The following C8orf34 variants were observed in gnomAD, a reference collection of about 807,000 sequenced individuals.
C8orf34 encodes the protein uncharacterized protein C8orf34.
A neutral mutation model predicts 68.3 loss-of-function variants in C8orf34; 65 were observed. That is an observed-to-expected ratio of 0.95 (90% CI 0.78 to 1.17). The LOEUF (loss-of-function observed/expected upper bound fraction) is 1.17, where lower values mean the gene tolerates loss of function less well. Ranked by LOEUF, C8orf34 falls within the 50% of genes most tolerant of loss-of-function variation. C8orf34 has a pLI of 0.00. For missense variants in C8orf34, 664 were observed against 655.4 expected (o/e 1.01, Z -0.14); for synonymous variants, 244 against 241.2 (o/e 1.01, Z -0.11).
intron 10 of C8orf34, among the ~76,000 whole-genome samples, chr8:68,764,969 G>A (rs936905368): frequency 1.3e-5 from 2 of 152,106 alleles, no homozygotes; most frequent in Non-Finnish European, 2.9e-5. Flanking sequence ...AGAGATAAAC[G>A]AAGAAGTAGC....
At chr8:68,378,757 G>A (rs1190633342) in intron 1 of C8orf34, among the ~76,000 whole-genome samples, 1 of 152,166 alleles carries the variant, frequency 6.6e-6, no homozygotes, top group Non-Finnish European at 1.5e-5. Context: ...AGTTAGAATT[G>A]AGTTTCCTGT....
At chr8:68,491,570 A>C (rs1471549788) in intron 5 of C8orf34, among the ~76,000 whole-genome samples, 1 of 152,102 alleles carries the variant, frequency 6.6e-6, no homozygotes. Context: ...TCTGTCTCTA[A>C]CTTCAGCCAG....
At chr8:68,692,865 C>G (rs2130912002) in intron 8 of C8orf34, among the ~76,000 whole-genome samples, 1 of 152,064 alleles carries the variant, frequency 6.6e-6, no homozygotes, top group Admixed American at 6.6e-5. Context: ...ATTCTGGTCC[C>G]CTACAGTGGG....
At chr8:68,449,488 A>G (rs1173188139) in intron 3 of C8orf34, among the ~76,000 whole-genome samples, 1 of 152,044 alleles carries the variant, frequency 6.6e-6, no homozygotes, top group East Asian at 1.9e-4. Context: ...CTATGAATGT[A>G]TCTATTCTGG....
At chr8:68,795,167 C>CT (rs1824141481) in intron 12 of C8orf34, among the ~76,000 whole-genome samples, 1 of 152,022 alleles carries the variant, frequency 6.6e-6, no homozygotes, top group South Asian at 2.1e-4. Flanking sequence ...TATCTCTTTA[C>CT]TGCTGGTCTC....
chr8:68,518,862 C>A lies in C8orf34; in HGVS notation c.766-2937C>A, dbSNP rs533476721. Among the ~76,000 whole-genome samples the A allele has an allele frequency of 2.1e-5, 3 of 142,672 alleles. No individual in the cohort carries two copies. In the South Asian group the frequency reaches 6.6e-4, roughly 31 times the overall value. 93.6% of individuals were successfully genotyped at this position (142,672 alleles called of 152,430 possible). A position where few individuals can be genotyped will look rare whatever the true frequency, so the allele number is the denominator to read the frequency against. On this transcript the variant is annotated intron_variant, in intron 5 of 13. Coordinates refer to ENST00000518698, the MANE Select transcript of C8orf34 (RefSeq NM_052958.4). Reference sequence around the variant, plus strand: ...TGAGCCAAGATCGTGCCACTACACTCCAGCCTGGCGACAGAGCAAGACTCA... The same window carrying A: ...TGAGCCAAGATCGTGCCACTACACTACAGCCTGGCGACAGAGCAAGACTCA...
chr8:68,668,515 G>C (rs1409393446), intron 8 of C8orf34, among the ~76,000 whole-genome samples: 1 of 152,136 alleles, frequency 6.6e-6, no homozygotes, highest in Non-Finnish European at 1.5e-5. Flanking sequence ...CAAATGTGAG[G>C]CTCTGTTGTT....
At chr8:68,499,135 G>A (rs1001602143) in intron 5 of C8orf34, among the ~76,000 whole-genome samples, 4 of 152,138 alleles carry the variant, frequency 2.6e-5, no homozygotes, top group Non-Finnish European at 4.4e-5. Flanking sequence ...ATGGCCATGT[G>A]TGACTAATGC....
intron 1 of C8orf34, among the ~76,000 whole-genome samples, chr8:68,348,591 A>G (rs1806379708): frequency 4.6e-5 from 7 of 152,246 alleles, no homozygotes; most frequent in Admixed American, 2.0e-4. Context: ...CTTCCTATCC[A>G]TGAGCATGGG....
chr8:68,435,040 A>G lies in C8orf34; in HGVS notation c.328-4459A>G, dbSNP rs183386478. Among the ~76,000 whole-genome samples, 840 of 147,942 alleles carry G rather than the reference A, an allele frequency of 5.7e-3. 7 individuals carry two copies. The highest frequency in any genetic ancestry group is 0.02 in the African/African-American group (813 of 40,116). On this transcript the variant is annotated intron_variant, in intron 1 of 13. Transcript: ENST00000518698. ...ACTCCAGCCTGGGTGACAGAGCGAG[A>G]CTCCATCTCAAAAAAAAAAAAAAGA...
At chr8:68,577,448 T>A (rs1816938556) in intron 7 of C8orf34, among the ~76,000 whole-genome samples, 1 of 151,936 alleles carries the variant, frequency 6.6e-6, no homozygotes, top group Admixed American at 6.6e-5. Context: ...CATTTTTTAA[T>A]TGCCTTACGT....
At chr8:68,575,747 G>T (rs1816882456) in intron 7 of C8orf34, among the ~76,000 whole-genome samples, 2 of 151,932 alleles carry the variant, frequency 1.3e-5, no homozygotes, top group Admixed American at 1.3e-4. Flanking sequence ...GATCTAAGGG[G>T]CTTACCTGCA....
At chr8:68,579,942 T>C (rs1185264173) in intron 7 of C8orf34, among the ~76,000 whole-genome samples, 1 of 152,178 alleles carries the variant, frequency 6.6e-6, no homozygotes, top group Non-Finnish European at 1.5e-5. Context: ...ATTAAATCTA[T>C]TCATTATACC....
chr8:68,509,519 T>C (rs1010207794), intron 5 of C8orf34, among the ~76,000 whole-genome samples: 6 of 138,182 alleles, frequency 4.3e-5, no homozygotes, highest in Admixed American at 2.3e-4. Context: ...GAAATTAACT[T>C]CTCCCAGTTT....
chr8:68,395,356 G>C (rs1418743794), intron 1 of C8orf34, among the ~76,000 whole-genome samples: 9 of 54,218 alleles, frequency 1.7e-4, no homozygotes, highest in Admixed American at 3.2e-4. Context: ...CTCTCTGTGT[G>C]TCTCTCACAC....
intron 10 of C8orf34, among the ~76,000 whole-genome samples, chr8:68,773,559 T>G (rs1823414170): frequency 6.6e-6 from 1 of 151,928 alleles, no homozygotes; most frequent in Non-Finnish European, 1.5e-5. Context: ...CCACCAAGCC[T>G]GGCTAATTGT....
intron 8 of C8orf34, among the ~76,000 whole-genome samples, chr8:68,685,608 C>T (rs1483771924): frequency 6.6e-6 from 1 of 152,050 alleles, no homozygotes; most frequent in Non-Finnish European, 1.5e-5. Context: ...GTAATTTCAG[C>T]ACTTTGGGAG....
intron 12 of C8orf34, among the ~76,000 whole-genome samples, chr8:68,803,388 TA>T (rs1447114517): frequency 3.9e-5 from 6 of 152,056 alleles, no homozygotes; most frequent in Non-Finnish European, 8.8e-5. Flanking sequence ...ACTAGCATAA[TA>T]AATGAGATAA....
At chr8:68,583,938 A>G (rs1436896711) in intron 7 of C8orf34, among the ~76,000 whole-genome samples, 1 of 152,128 alleles carries the variant, frequency 6.6e-6, no homozygotes, top group Non-Finnish European at 1.5e-5. Flanking sequence ...TGAATCTTAA[A>G]GCATGTTATG....
Sources: gnomAD v4.1 joint callset for allele counts (sites outside exome capture counted in the v4.1 genomes callset) on GRCh38, gnomAD v4.1.1 for gene constraint, MANE v1.5 for transcripts, NCBI Gene and HGNC (gene_info 2026-07-23, HGNC 2026-07-21) for gene names.